The following UGT1A8 variants were observed in gnomAD, a reference collection of about 807,000 sequenced individuals.
UGT1A8 encodes UDP glucuronosyltransferase family 1 member A8, also known as UDP-glucuronosyltransferase 1A8.
In UGT1A8, 39 loss-of-function variants were observed where a neutral mutation model predicts 45.3. That is an observed-to-expected ratio of 0.86 (90% CI 0.67 to 1.12). UGT1A8 has a LOEUF of 1.12. Ranked by LOEUF, UGT1A8 falls within the 50% of genes most tolerant of loss-of-function variation. The pLI, the probability that UGT1A8 is intolerant of heterozygous loss-of-function variation, is 0.00. For missense variants in UGT1A8, 719 were observed against 664.9 expected (o/e 1.08, Z -0.90); for synonymous variants, 275 against 249.2 (o/e 1.10, Z -0.97).
At chr2:233,638,661 T>C (rs1008673825) in intron 1 of UGT1A8, among the ~76,000 whole-genome samples, 1 of 152,184 alleles carries the variant, frequency 6.6e-6, no homozygotes, top group Admixed American at 6.5e-5. Context: ...CATCTCATTA[T>C]ATTATTTTAT....
At chr2:233,757,935 C>T (rs12052787) in intron 1 of UGT1A8, among the ~76,000 whole-genome samples, 10,310 of 152,142 alleles carry the variant, frequency 0.068, 485 homozygotes, top group East Asian at 0.2. Flanking sequence ...CAAAGCAAGA[C>T]CATCATATTG....
chr2:233,648,932 G>A (rs956408318), intron 1 of UGT1A8: 28 of 1,407,236 alleles, frequency 2.0e-5, no homozygotes, highest in African/African-American at 4.3e-5. Context: ...TGGTTGCTGC[G>A]AATGGACTTT....
chr2:233,760,312 C>G (rs370790922), intron 1 of UGT1A8: 1 of 1,613,816 alleles, frequency 6.2e-7, no homozygotes, highest in East Asian at 2.2e-5. Context: ...CCAGGGCGGA[C>G]GCCCACTTGT....
At chr2:233,719,047 C>A in intron 1 of UGT1A8, 2 of 1,614,252 alleles carry the variant, frequency 1.2e-6, no homozygotes, top group Non-Finnish European at 1.7e-6. Flanking sequence ...AAATTTTTCA[C>A]CCTGACAGCC....
chr2:233,671,767 T>G, intron 1 of UGT1A8: 1 of 1,359,880 alleles, frequency 7.4e-7, no homozygotes, highest in Non-Finnish European at 9.6e-7. Context: ...AAGCTACTCA[T>G]ATATTCTTGT....
At chr2:233,717,463 G>T (rs374557809) in intron 1 of UGT1A8, among the ~76,000 whole-genome samples, 2 of 152,198 alleles carry the variant, frequency 1.3e-5, no homozygotes, top group African/African-American at 4.8e-5. Context: ...CCTGTCCCAT[G>T]GGTTGTGTCC....
intron 1 of UGT1A8, among the ~76,000 whole-genome samples, chr2:233,664,854 TTC>T (rs1325903151): frequency 1.3e-5 from 2 of 152,200 alleles, no homozygotes; most frequent in Non-Finnish European, 2.9e-5. Context: ...TTTTTCCAGT[TTC>T]ATGAATCCTT....
chr2:233,747,372 A>G (rs1321135438), intron 1 of UGT1A8: 1 of 1,604,206 alleles, frequency 6.2e-7, no homozygotes, highest in African/African-American at 1.3e-5. Flanking sequence ...GCTCCATGCC[A>G]GAGGCCACCA....
Position 233,618,341 on chromosome 2 carries a change from A to G in UGT1A8, c.634A>G (p.Met212Val), listed in dbSNP as rs1126803. Residue 212 changes from methionine (M) to valine (V), a missense_variant, in exon 1 of 5, where the codon ATG (methionine) becomes GTG (valine). Met to Val is a conservative substitution (Grantham distance 21, BLOSUM62 1). Coordinates refer to ENST00000373450, the MANE Select transcript of UGT1A8 (RefSeq NM_019076.5). ...TFKERVRNHIMHLEEHLFCQY... is the reference protein window; with the variant it reads ...TFKERVRNHIVHLEEHLFCQY... ...CAAGGAGAGAGTACGGAACCACATC[A>G]TGCACTTGGAGGAACATTTATTTTG... 4 of 1,613,948 alleles carry G rather than the reference A, an allele frequency of 2.5e-6. No homozygotes were observed. Among genetic ancestry groups the G allele is most frequent in the East Asian group, 2.2e-5 (1 of 44,868 alleles).
intron 1 of UGT1A8, among the ~76,000 whole-genome samples, chr2:233,660,646 A>T (rs996370002): frequency 6.6e-6 from 1 of 152,082 alleles, no homozygotes; most frequent in African/African-American, 2.4e-5. Flanking sequence ...CATAAATTGG[A>T]CTGTATTTGC....
intron 1 of UGT1A8, chr2:233,760,361 C>T: frequency 6.2e-7 from 1 of 1,614,110 alleles, no homozygotes; most frequent in Non-Finnish European, 8.5e-7. Flanking sequence ...CCAGTGGTGT[C>T]CCATGCTGGG....
chr2:233,663,018 G>A (rs2074005909), intron 1 of UGT1A8, among the ~76,000 whole-genome samples: 1 of 151,812 alleles, frequency 6.6e-6, no homozygotes, highest in Non-Finnish European at 1.5e-5. Flanking sequence ...ACCACTTTAG[G>A]TGCACAGTTC....
At position 233,618,061 on chromosome 2, in the gene UGT1A8, C is replaced by T. The variant is rs1389600200; in HGVS notation, c.354C>T (p.Asn118=). Residue 118 remains asparagine, a synonymous_variant, in exon 1 of 5, where the codon AAC becomes AAT. Transcript: ENST00000373450. ...TGAGTTCATCCAATGGTTTTTTTAACTTATTTTTTTCGCATTGCAGGAGTT... is the reference window on the plus strand; with the variant it reads ...TGAGTTCATCCAATGGTTTTTTTAATTTATTTTTTTCGCATTGCAGGAGTT... ...LFLSSSNGFF[N]LFFSHCRSLF... The T allele has an allele frequency of 6.2e-7, 1 of 1,613,730 alleles. No homozygotes were observed. The highest frequency in any genetic ancestry group is 8.5e-7 in the Non-Finnish European group (1 of 1,179,970).
chr2:233,693,717 A>G lies in UGT1A8; in HGVS notation c.856-73317A>G, dbSNP rs749822661. Reference sequence around the variant, plus strand: ...GAAGAACTCGCATCAGCTGTCCTCAAGAGAGATGTGGATATAATCACCTTA... The same window carrying G: ...GAAGAACTCGCATCAGCTGTCCTCAGGAGAGATGTGGATATAATCACCTTA... On this transcript the variant is annotated intron_variant, in intron 1 of 4. Transcript: ENST00000373450. 1.5e-5 allele frequency: 25 copies of G among 1,614,098 alleles called. No homozygotes were observed. Among genetic ancestry groups the G allele is most frequent in the Non-Finnish European group, 2.0e-5 (24 of 1,180,042 alleles).
chr2:233,683,560 T>A (rs1408548719), intron 1 of UGT1A8, among the ~76,000 whole-genome samples: 3 of 152,212 alleles, frequency 2.0e-5, no homozygotes, highest in African/African-American at 7.2e-5. Flanking sequence ...GGCCTTCTTT[T>A]GCTATTACAT....
At chr2:233,695,903 T>C (rs1451387957) in intron 1 of UGT1A8, among the ~76,000 whole-genome samples, 2 of 151,728 alleles carry the variant, frequency 1.3e-5, no homozygotes, top group African/African-American at 4.8e-5. Context: ...ATGTGTGGGG[T>C]TTTTTTTCTC....
At chr2:233,648,767 A>G (rs2073667258) in intron 1 of UGT1A8, 6 of 753,024 alleles carry the variant, frequency 8.0e-6, no homozygotes, top group South Asian at 4.8e-5. Flanking sequence ...CCCAGCCTGG[A>G]TGCCATGACT....
chr2:233,631,167 A>G (rs1008774505), intron 1 of UGT1A8, among the ~76,000 whole-genome samples: 1 of 152,192 alleles, frequency 6.6e-6, no homozygotes, highest in Admixed American at 6.5e-5. Context: ...AAAAGACATG[A>G]ATGCATCCTT....
intron 1 of UGT1A8, chr2:233,693,797 A>C: frequency 1.2e-6 from 2 of 1,614,202 alleles, no homozygotes; most frequent in Non-Finnish European, 1.7e-6. Flanking sequence ...TGAATATCCT[A>C]GGCCGGTCAT....
Sources: gnomAD v4.1 joint callset for allele counts (sites outside exome capture counted in the v4.1 genomes callset) on GRCh38, gnomAD v4.1.1 for gene constraint, MANE v1.5 for transcripts, NCBI Gene and HGNC (gene_info 2026-07-23, HGNC 2026-07-21) for gene names.